SLC39A11: variants seen among roughly 807,000 people sequenced by gnomAD.
SLC39A11 encodes the protein zinc transporter ZIP11.
A neutral mutation model predicts 36.1 loss-of-function variants in SLC39A11; 33 were observed. The observed-to-expected ratio is 0.91, with a 90% CI of 0.69 to 1.22. The LOEUF is 1.22. Ranked by LOEUF, SLC39A11 falls within the 50% of genes most tolerant of loss-of-function variation. The pLI, the probability that SLC39A11 is intolerant of heterozygous loss-of-function variation, is 0.00. For synonymous variants in SLC39A11, 166 were observed against 170.3 expected (o/e 0.97, Z 0.20); for missense variants, 432 against 430.3 (o/e 1.00, Z -0.03).
rs74331950 is a variant in SLC39A11 at position 72,973,523 on chromosome 17, A to G, written c.307-25648T>C. Among the ~76,000 whole-genome samples the G allele has an allele frequency of 9.2e-4, 140 of 152,304 alleles. No homozygotes were observed. In the East Asian group the frequency reaches 0.025, roughly 27 times the overall value. ...AGGTAGGCACATTGCTAGATCAAAC[A>G]GAATTGGAGTTCTGTTAGAAAGACA... On this transcript the variant is annotated intron_variant, in intron 4 of 9. Coordinates refer to ENST00000255559, the MANE Select transcript of SLC39A11 (RefSeq NM_139177.4).
At chr17:73,037,827 G>C (rs559657181) in intron 3 of SLC39A11, among the ~76,000 whole-genome samples, 1 of 152,348 alleles carries the variant, frequency 6.6e-6, no homozygotes, top group African/African-American at 2.4e-5. Flanking sequence ...GGAAGGTTTG[G>C]GTGGGGCCCA....
intron 4 of SLC39A11, among the ~76,000 whole-genome samples, chr17:73,004,223 G>GA (rs370406289): frequency 0.074 from 5,844 of 78,884 alleles, 710 homozygotes; most frequent in East Asian, 0.15. Context: ...AAGAAAGAAA[G>GA]AAAGAAAGAA....
Position 72,947,756 on chromosome 17 carries a change from C to T in SLC39A11, c.426G>A (p.Arg142=). 6.2e-7 allele frequency: 1 copy of T among 1,614,026 alleles called. No individual in the cohort carries two copies. Among genetic ancestry groups the T allele is most frequent in the Non-Finnish European group, 8.5e-7 (1 of 1,180,034 alleles). ...LLFPESELSI[R]IDKSENGEAY... ...CTGAAAGAAGCCCAGCTCTACCTAT[C>T]CGGATGGAAAGTTCACTCTCAGGGA... Residue 142 remains arginine (R), a synonymous_variant, in exon 5 of 10, where the codon CGG becomes CGA. Transcript: ENST00000255559.
chr17:72,734,957 G>A (rs138642859), intron 7 of SLC39A11, among the ~76,000 whole-genome samples: 52 of 152,312 alleles, frequency 3.4e-4, no homozygotes, highest in African/African-American at 1.2e-3. Context: ...GGGCAGAAGA[G>A]CTACATGCCC....
rs529953270 is a variant in SLC39A11 at position 72,990,550 on chromosome 17, G to A, written c.306+41006C>T. 1.7e-4 allele frequency among the ~76,000 whole-genome samples: 26 copies of A among 152,118 alleles called. 1 individual carries two copies. The South Asian group carries it at 2.5e-3, about 15-fold the overall frequency. On this transcript the variant is annotated intron_variant, in intron 4 of 9. Transcript: ENST00000255559. ...CTCCTGCCTCAGCCCTCAGCCTCGCGAGGAGCTGGAGCTACAGGTGCACGC... is the reference window on the plus strand; with the variant it reads ...CTCCTGCCTCAGCCCTCAGCCTCGCAAGGAGCTGGAGCTACAGGTGCACGC...
chr17:72,862,685 G>A (rs956741638), intron 5 of SLC39A11, among the ~76,000 whole-genome samples: 14 of 152,092 alleles, frequency 9.2e-5, no homozygotes, highest in African/African-American at 3.4e-4. Flanking sequence ...ATGAAGGTTT[G>A]AGAAATACAG....
chr17:72,913,036 C>T (rs1463304268), intron 5 of SLC39A11, among the ~76,000 whole-genome samples: 2 of 152,036 alleles, frequency 1.3e-5, no homozygotes, highest in Non-Finnish European at 1.5e-5. Context: ...ATAAAACAAT[C>T]CTGATGTTTC....
intron 4 of SLC39A11, among the ~76,000 whole-genome samples, chr17:72,986,364 C>A (rs2148237078): frequency 6.6e-6 from 1 of 152,252 alleles, no homozygotes. Context: ...CCAAGCCTGG[C>A]CATGCAGACA....
At chr17:72,977,401 G>A (rs2148125952) in intron 4 of SLC39A11, among the ~76,000 whole-genome samples, 1 of 152,288 alleles carries the variant, frequency 6.6e-6, no homozygotes, top group African/African-American at 2.4e-5. Flanking sequence ...GGAGTTTTGA[G>A]CTAACAAAGG....
chr17:72,920,071 T>C (rs1313671351), intron 5 of SLC39A11, among the ~76,000 whole-genome samples: 1 of 152,128 alleles, frequency 6.6e-6, no homozygotes, highest in Non-Finnish European at 1.5e-5. Flanking sequence ...TCAAAAGGGC[T>C]CCTCTTTTTG....
chr17:72,911,419 A>T (rs547831944), intron 5 of SLC39A11, among the ~76,000 whole-genome samples: 1 of 147,512 alleles, frequency 6.8e-6, no homozygotes, highest in East Asian at 2.0e-4. Flanking sequence ...AGTATAATTT[A>T]AAAAAAAAAA....
chr17:72,923,684 G>T (rs149110653), intron 5 of SLC39A11, among the ~76,000 whole-genome samples: 1 of 152,140 alleles, frequency 6.6e-6, no homozygotes, highest in Admixed American at 6.5e-5. Context: ...TTGCTAGGGG[G>T]ATTTGGTTAC....
chr17:72,908,985 C>T (rs561927514), intron 5 of SLC39A11, among the ~76,000 whole-genome samples: 9 of 152,342 alleles, frequency 5.9e-5, no homozygotes, highest in South Asian at 4.1e-4. Context: ...CACATTCAAA[C>T]GGAACCCCAA....
At chr17:73,077,635 A>T (rs2060368192) in intron 3 of SLC39A11, among the ~76,000 whole-genome samples, 1 of 152,192 alleles carries the variant, frequency 6.6e-6, no homozygotes, top group Admixed American at 6.5e-5. Context: ...GCTCAAGGAC[A>T]ATTTTAGAAA....
chr17:73,004,232 A>AAAGAAAGAAAGAAAAG lies in SLC39A11; in HGVS notation c.306+27323_306+27324insCTTTTCTTTCTTTCTT. On this transcript the variant is annotated intron_variant, in intron 4 of 9. Coordinates refer to ENST00000255559, the MANE Select transcript of SLC39A11 (RefSeq NM_139177.4). ...GAAAGAAAGAAAGAAAGAAAGAAAG[A>AAAGAAAGAAAGAAAAG]AAAGAAAGAAAGAGAAAAAGCAAGC... Among the ~76,000 whole-genome samples the AAAGAAAGAAAGAAAAG allele has an allele frequency of 3.6e-3, 320 of 88,644 alleles. 6 individuals are homozygous for AAAGAAAGAAAGAAAAG. The highest frequency in any genetic ancestry group is 6.3e-3 in the African/African-American group (149 of 23,672). 58.2% of individuals were successfully genotyped at this position (88,644 alleles called of 152,430 possible).
At chr17:72,971,664 G>T (rs1171974849) in intron 4 of SLC39A11, among the ~76,000 whole-genome samples, 4 of 152,228 alleles carry the variant, frequency 2.6e-5, no homozygotes, top group African/African-American at 9.6e-5. Flanking sequence ...GGCTGTCCCA[G>T]CTGGGGCCGG....
intron 6 of SLC39A11, among the ~76,000 whole-genome samples, chr17:72,774,025 C>G (rs999630292): frequency 9.8e-5 from 15 of 152,298 alleles, no homozygotes; most frequent in African/African-American, 3.6e-4. Flanking sequence ...AACTTTGAAG[C>G]CTAAAGCTGC....
intron 4 of SLC39A11, among the ~76,000 whole-genome samples, chr17:73,004,764 C>T (rs1434280509): frequency 6.6e-6 from 1 of 152,216 alleles, no homozygotes; most frequent in Non-Finnish European, 1.5e-5. Flanking sequence ...AGGCCACAGG[C>T]AATGGGGCAA....
chr17:73,063,545 G>A lies in SLC39A11; in HGVS notation c.147+21263C>T, dbSNP rs372051010. On this transcript the variant is annotated intron_variant, in intron 3 of 9. Transcript: ENST00000255559. ...CAGGAGAATCACTTGAACCCGGGAG[G>A]CAGAGGTTGCAATGAGCCGAGATCG... Among the ~76,000 whole-genome samples the A allele has an allele frequency of 3.6e-3, 542 of 152,132 alleles. 8 individuals are homozygous for A. The highest frequency in any genetic ancestry group is 0.012 in the African/African-American group (517 of 41,498).
Sources: gnomAD v4.1 joint callset for allele counts (sites outside exome capture counted in the v4.1 genomes callset) on GRCh38, gnomAD v4.1.1 for gene constraint, MANE v1.5 for transcripts, NCBI Gene and HGNC (gene_info 2026-07-23, HGNC 2026-07-21) for gene names.